DAPK1: variants seen among roughly 807,000 people sequenced by gnomAD.
The protein encoded by DAPK1 is death associated protein kinase 1, also known as death-associated protein kinase 1.
In DAPK1, 56 loss-of-function variants were observed where a neutral mutation model predicts 144.9. The observed-to-expected ratio is 0.39, with a 90% CI of 0.31 to 0.48. DAPK1 has a LOEUF of 0.48. Ranked by LOEUF, DAPK1 falls within the 20% of genes least tolerant of loss-of-function variation. The pLI is 0.95. For missense variants in DAPK1, 1,454 were observed against 1,875.4 expected (o/e 0.78, Z 4.15); for synonymous variants, 690 against 749.0 (o/e 0.92, Z 1.29).
chr9:87,571,455 A>ACC (rs1827331116), intron 2 of DAPK1, among the ~76,000 whole-genome samples: 1 of 57,552 alleles, frequency 1.7e-5, no homozygotes. Context: ...ACACACACAC[A>ACC]CACACACACA....
chr9:87,621,520 C>T (rs916787665), intron 3 of DAPK1, among the ~76,000 whole-genome samples: 1 of 152,176 alleles, frequency 6.6e-6, no homozygotes, highest in Non-Finnish European at 1.5e-5. Flanking sequence ...GAGTCTTCAT[C>T]GTCTTCCTTG....
intron 20 of DAPK1, among the ~76,000 whole-genome samples, chr9:87,684,250 T>C (rs3128487): frequency 0.46 from 70,639 of 152,080 alleles, 17,272 homozygotes; most frequent in East Asian, 0.72. Flanking sequence ...GAACTGCCGC[T>C]CCTGAGCATG....
chr9:87,624,117 G>A (rs961694782), intron 3 of DAPK1, among the ~76,000 whole-genome samples: 2 of 152,206 alleles, frequency 1.3e-5, no homozygotes, highest in Non-Finnish European at 2.9e-5. Context: ...CTGAAATTAG[G>A]ACAAGGCTCA....
rs552936346 is a variant in DAPK1, at chr9:87,500,043, G to A, written c.62+904G>A. ...AAACAAAATATGTATTTACTTATAT[G>A]TGCATTGAAATATGTATTTTCCCAT... On this transcript the variant is annotated intron_variant, in intron 2 of 25. Coordinates refer to ENST00000408954, the MANE Select transcript of DAPK1 (RefSeq NM_004938.4). Among the ~76,000 whole-genome samples the A allele has an allele frequency of 3.9e-5, 6 of 152,256 alleles. No homozygotes were observed. In the East Asian group the frequency reaches 1.2e-3, roughly 29 times the overall value.
At chr9:87,630,610 T>C (rs1035014464) in intron 3 of DAPK1, among the ~76,000 whole-genome samples, 3 of 152,206 alleles carry the variant, frequency 2.0e-5, no homozygotes, top group Non-Finnish European at 4.4e-5. Flanking sequence ...CACATCATTT[T>C]GGTCCATATT....
intron 22 of DAPK1, among the ~76,000 whole-genome samples, chr9:87,697,682 GT>G (rs1825308737): frequency 4.6e-5 from 7 of 152,230 alleles, no homozygotes; most frequent in Admixed American, 4.6e-4. Context: ...GCCGGGTGCA[GT>G]GGTTCACGGC....
intron 2 of DAPK1, among the ~76,000 whole-genome samples, chr9:87,571,934 G>T (rs1827377120): frequency 6.6e-6 from 1 of 152,198 alleles, no homozygotes; most frequent in African/African-American, 2.4e-5. Flanking sequence ...GGAGTCCCAG[G>T]GATCTTCCTT....
chr9:87,606,353 A>C (rs1480327457), intron 3 of DAPK1, among the ~76,000 whole-genome samples: 13 of 152,166 alleles, frequency 8.5e-5, no homozygotes, highest in Admixed American at 8.5e-4. Context: ...TGGGGTTAAT[A>C]ATATCTCAGA....
intron 2 of DAPK1, among the ~76,000 whole-genome samples, chr9:87,502,827 T>C (rs891225419): frequency 1.3e-5 from 2 of 152,218 alleles, no homozygotes; most frequent in African/African-American, 2.4e-5. Flanking sequence ...TGAGTTTCTT[T>C]GGGGTGTGCC....
Position 87,658,068 on chromosome 9 carries a change from A to G in DAPK1, c.1864A>G (p.Ile622Val). 6.4e-7 allele frequency: 1 copy of G among 1,552,932 alleles called. No homozygotes were observed. The highest frequency in any genetic ancestry group is 8.9e-7 in the Non-Finnish European group (1 of 1,124,720). Residue 622 changes from isoleucine (I) to valine (V), a missense_variant, in exon 18 of 26, where the codon ATC becomes GTC. Ile to Val is a conservative substitution (Grantham distance 29, BLOSUM62 3). Around this residue, in one of 2 missense-constraint regions of DAPK1, gnomAD observed 1,025 missense variants for 1,237.9 expected, o/e 0.83. Transcript: ENST00000408954. ...TPLHLAANNG[I>V]LDVVRYLCLM... is the part of the protein sequence containing the mutation. ...TCTGCACCTTGCGGCCAACAACGGA[A>G]TCCTAGACGTGGTCCGGTATCTCTG... is the stretch of plus-strand genomic sequence containing the variant.
chr9:87,584,664 TTGTGTG>T (rs113125719), intron 2 of DAPK1, among the ~76,000 whole-genome samples: 4 of 140,500 alleles, frequency 2.8e-5, no homozygotes, highest in Non-Finnish European at 6.5e-5. Context: ...TGATAGCTCA[TTGTGTG>T]TGTGTGTGTG....
chr9:87,567,632 T>TGAAA (rs1319481642), intron 2 of DAPK1, among the ~76,000 whole-genome samples: 1 of 152,152 alleles, frequency 6.6e-6, no homozygotes. Context: ...CCTCTTGGTT[T>TGAAA]CCACTGGCAC....
chr9:87,521,154 G>GT (rs1825284760), intron 2 of DAPK1, among the ~76,000 whole-genome samples: 1 of 152,214 alleles, frequency 6.6e-6, no homozygotes, highest in African/African-American at 2.4e-5. Flanking sequence ...TGCTAGCTAT[G>GT]TTTTAAGCTT....
At chr9:87,636,601 G>A (rs895609533) in intron 3 of DAPK1, among the ~76,000 whole-genome samples, 1 of 152,178 alleles carries the variant, frequency 6.6e-6, no homozygotes, top group Non-Finnish European at 1.5e-5. Context: ...GACCTGGAGG[G>A]TGAAGGCATG....
chr9:87,516,380 C>T (rs1209852749), intron 2 of DAPK1, among the ~76,000 whole-genome samples: 1 of 152,160 alleles, frequency 6.6e-6, no homozygotes, highest in Non-Finnish European at 1.5e-5. Flanking sequence ...CCGTGGCAAA[C>T]ACGGAGTTTC....
intron 2 of DAPK1, among the ~76,000 whole-genome samples, chr9:87,531,649 G>A (rs1367069249): frequency 6.6e-6 from 1 of 152,190 alleles, no homozygotes; most frequent in Non-Finnish European, 1.5e-5. Context: ...CCAGTGTAGG[G>A]CATTGAACTG....
chr9:87,515,180 A>G (rs1476636781), intron 2 of DAPK1, among the ~76,000 whole-genome samples: 1 of 152,208 alleles, frequency 6.6e-6, no homozygotes, highest in African/African-American at 2.4e-5. Context: ...CATTTTATGT[A>G]AAGATAGTAA....
intron 3 of DAPK1, among the ~76,000 whole-genome samples, chr9:87,605,763 T>C (rs1828693578): frequency 6.6e-6 from 1 of 152,230 alleles, no homozygotes; most frequent in South Asian, 2.1e-4. Flanking sequence ...TATGGGAAAC[T>C]GATTGCGGCA....
At chr9:87,554,933 T>G (rs1242756351) in intron 2 of DAPK1, among the ~76,000 whole-genome samples, 3 of 152,268 alleles carry the variant, frequency 2.0e-5, no homozygotes, top group Admixed American at 2.0e-4. Context: ...ACAGTGAGAA[T>G]CTAATGATGG....
Sources: gnomAD v4.1 joint callset for allele counts (sites outside exome capture counted in the v4.1 genomes callset) on GRCh38, gnomAD v4.1.1 for gene constraint, gnomAD v4.1.1 regional missense constraint, MANE v1.5 for transcripts, NCBI Gene and HGNC (gene_info 2026-07-23, HGNC 2026-07-21) for gene names.